Variants in DNAH14 observed in about 807,000 individuals in gnomAD.
DNAH14 encodes dynein axonemal heavy chain 14.
Under a neutral mutation model 520.9 loss-of-function variants are expected in DNAH14, and 478 were observed. The ratio of observed to expected loss-of-function variants is 0.92; its 90% confidence interval spans 0.85 to 0.99. The LOEUF (loss-of-function observed/expected upper bound fraction) is 0.99. Among genes scored for constraint, DNAH14 ranks in the 50% least tolerant of loss-of-function variants. DNAH14 has a pLI of 0.00. For synonymous variants in DNAH14, 1,581 were observed against 1,757.2 expected (o/e 0.90, Z 2.51); for missense variants, 4,831 against 5,234.5 (o/e 0.92, Z 2.38).
intron 68 of DNAH14, among the ~76,000 whole-genome samples, chr1:225,338,729 T>A (rs2095114264): frequency 1.3e-5 from 2 of 152,116 alleles, no homozygotes; most frequent in African/African-American, 2.4e-5. Flanking sequence ...TCCCAAGAAA[T>A]AAGATGTTTG....
chr1:224,960,194 C>G lies in DNAH14; in HGVS notation c.259C>G (p.Pro87Ala), dbSNP rs751790885. 9 of 1,607,760 alleles carry G rather than the reference C, an allele frequency of 5.6e-6. No individual in the cohort carries two copies. Among genetic ancestry groups the G allele is most frequent in the Middle Eastern group, 1.7e-4 (1 of 6,014 alleles). The change falls in exon 4 of 86, where the codon CCA becomes GCA. Residue 87 changes from proline (P) to alanine (A), a missense_variant. By Grantham distance (27) the Pro-to-Ala change is conservative. Transcript: ENST00000682510. ...TATAATTCAACAACATATGGTTTCTCCAGAGCCAGCTTCCCTTAAGGAGAA... is the reference window on the plus strand; with the variant it reads ...TATAATTCAACAACATATGGTTTCTGCAGAGCCAGCTTCCCTTAAGGAGAA... Reference protein sequence around the residue: ...ESIIQQHMVSPEPASLKEKGK... With the variant: ...ESIIQQHMVSAEPASLKEKGK...
chr1:225,264,729 A>G (rs1326249514), intron 47 of DNAH14, among the ~76,000 whole-genome samples: 3 of 152,150 alleles, frequency 2.0e-5, no homozygotes, highest in Non-Finnish European at 4.4e-5. Context: ...CTCAAGAGGA[A>G]AAGATGGAAT....
In DNAH14 at chr1:225,335,736, T is replaced by C. The variant is rs1291238602; in HGVS notation, c.10081-1530T>C. Among the ~76,000 whole-genome samples, 12 of 80,764 alleles carry C rather than the reference T, an allele frequency of 1.5e-4. 2 individuals are homozygous for C. Among genetic ancestry groups the C allele is most frequent in the Admixed American group, 6.5e-4 (6 of 9,172 alleles). 53.0% of individuals were successfully genotyped at this position (80,764 alleles called of 152,430 possible). ...ATATACGCATATATACATATGTGCA[T>C]ATATGTATATACGCATATATACATA... On this transcript the variant is annotated intron_variant, in intron 66 of 85. Coordinates refer to ENST00000682510, the MANE Select transcript of DNAH14 (RefSeq NM_001367479.1).
intron 11 of DNAH14, among the ~76,000 whole-genome samples, chr1:225,028,632 A>G (rs536407184): frequency 6.8e-4 from 104 of 152,206 alleles, no homozygotes; most frequent in Admixed American, 1.8e-3. Flanking sequence ...GTTAATTTTA[A>G]AATGGGTGAA....
At chr1:225,025,473 T>A (rs941450675) in intron 11 of DNAH14, among the ~76,000 whole-genome samples, 1 of 151,674 alleles carries the variant, frequency 6.6e-6, no homozygotes, top group African/African-American at 2.4e-5. Flanking sequence ...GGTTCACACC[T>A]GTAATCCCAA....
At chr1:225,261,507 G>A (rs1388091960) in intron 46 of DNAH14, among the ~76,000 whole-genome samples, 1 of 152,080 alleles carries the variant, frequency 6.6e-6, no homozygotes, top group African/African-American at 2.4e-5. Context: ...TGATCATGGT[G>A]AATAATCCTT....
intron 25 of DNAH14, among the ~76,000 whole-genome samples, chr1:225,118,901 A>C (rs540616446): frequency 6.6e-6 from 1 of 151,506 alleles, no homozygotes; most frequent in Admixed American, 6.6e-5. Flanking sequence ...AAAAAAAAAA[A>C]AAAGAAAAGA....
At chr1:225,230,967 A>G (rs1377863926) in intron 41 of DNAH14, 106 bp from the exon 42 acceptor site, 4 of 685,102 alleles carry the variant, frequency 5.8e-6, no homozygotes, top group Admixed American at 3.4e-5. Flanking sequence ...AAGATATTCT[A>G]TGATAATTCA....
chr1:224,988,433 T>G (rs1244994875), intron 8 of DNAH14, among the ~76,000 whole-genome samples: 1 of 152,176 alleles, frequency 6.6e-6, no homozygotes, highest in Non-Finnish European at 1.5e-5. Context: ...TACCATCTCA[T>G]GCCAGTTAGA....
chr1:225,375,340 C>A (rs767561558), intron 78 of DNAH14, among the ~76,000 whole-genome samples: 12 of 152,196 alleles, frequency 7.9e-5, no homozygotes, highest in African/African-American at 2.7e-4. Context: ...TATTAGACAC[C>A]AGCAGCTGTG....
At chr1:224,953,129 C>CTTTTTTTTTTT (rs56337123) in intron 2 of DNAH14, 6,756 of 150,970 alleles carry the variant, frequency 0.045, 360 homozygotes, top group East Asian at 0.21. Context: ...CATAGAAATA[C>CTTTTTTTTTTT]TTTTTTTTTT....
chr1:225,307,102 G>A (rs889597052), intron 58 of DNAH14, among the ~76,000 whole-genome samples: 1 of 152,162 alleles, frequency 6.6e-6, no homozygotes, highest in African/African-American at 2.4e-5. Context: ...GTGTGCTCCA[G>A]TGGGAGCTGA....
At chr1:225,282,122 T>G (rs1425121154) in intron 54 of DNAH14, among the ~76,000 whole-genome samples, 1 of 152,162 alleles carries the variant, frequency 6.6e-6, no homozygotes, top group Non-Finnish European at 1.5e-5. Context: ...TAAATAAAAA[T>G]GCTAAAAATG....
At chr1:225,053,532 C>T (rs900782603) in intron 17 of DNAH14, among the ~76,000 whole-genome samples, 4 of 151,992 alleles carry the variant, frequency 2.6e-5, no homozygotes, top group African/African-American at 7.2e-5. Context: ...AGATTGAAGT[C>T]GGGTAAAACA....
intron 79 of DNAH14, among the ~76,000 whole-genome samples, chr1:225,379,069 T>C (rs2095745087): frequency 6.6e-6 from 1 of 152,008 alleles, no homozygotes; most frequent in South Asian, 2.1e-4. Context: ...TAGTGTTTAG[T>C]GGTTTTGCAT....
In DNAH14 at chr1:225,038,673, TC is replaced by T; in HGVS notation, c.1359-20del. The T allele has an allele frequency of 6.6e-7, 1 of 1,514,024 alleles. No individual in the cohort carries two copies. The highest frequency in any genetic ancestry group is 1.3e-5 in the South Asian group (1 of 76,168). The allele number at this position is 1,514,024 out of a possible 1,614,324, so 93.8% of individuals were successfully genotyped here. A position where few individuals can be genotyped will look rare whatever the true frequency, so the allele number is the denominator to read the frequency against. On this transcript the variant is annotated intron_variant, in intron 11 of 85. Transcript: ENST00000682510. ...ATAAATGATTTTTAAATGATTTTTT[TC>T]TTCCCATTTCTTAATCCAGAACATT...
At chr1:225,220,792 GA>G (rs1244431334) in intron 41 of DNAH14, among the ~76,000 whole-genome samples, 1 of 152,066 alleles carries the variant, frequency 6.6e-6, no homozygotes, top group Non-Finnish European at 1.5e-5. Context: ...CACAGAATTA[GA>G]AAAAAACTAC....
At chr1:225,393,905 G>A (rs923749157) in intron 84 of DNAH14, among the ~76,000 whole-genome samples, 5 of 149,856 alleles carry the variant, frequency 3.3e-5, no homozygotes, top group Non-Finnish European at 5.9e-5. Flanking sequence ...TGCAAGCTCC[G>A]CCTCCCGGGT....
intron 27 of DNAH14, among the ~76,000 whole-genome samples, chr1:225,132,733 C>T (rs891733644): frequency 2.6e-5 from 4 of 152,002 alleles, no homozygotes; most frequent in Non-Finnish European, 5.9e-5. Context: ...GAGTACGTAC[C>T]CAGTAATGGG....
Sources: gnomAD v4.1 joint callset for allele counts (sites outside exome capture counted in the v4.1 genomes callset) on GRCh38, gnomAD v4.1.1 for gene constraint, MANE v1.5 for transcripts, NCBI Gene and HGNC (gene_info 2026-07-23, HGNC 2026-07-21) for gene names.